The following FGGY variants were observed in gnomAD, a reference collection of about 807,000 sequenced individuals.
The protein encoded by FGGY is FGGY carbohydrate kinase domain-containing protein.
In FGGY, 72 loss-of-function variants were observed where a neutral mutation model predicts 71.3. That is an observed-to-expected ratio of 1.01 (90% CI 0.84 to 1.23). The LOEUF is 1.23. FGGY is among the 50% of genes most tolerant of loss of function. The probability of loss-of-function intolerance (pLI) is 0.00; values close to 1 mark genes in which losing one functional copy is unlikely to be tolerated. For missense variants in FGGY, 668 were observed against 682.3 expected (o/e 0.98, Z 0.23); for synonymous variants, 251 against 250.3 (o/e 1.00, Z -0.02).
At chr1:59,618,973 T>C (rs1160655156) in intron 9 of FGGY, among the ~76,000 whole-genome samples, 2 of 152,054 alleles carry the variant, frequency 1.3e-5, no homozygotes, top group East Asian at 3.9e-4. Context: ...TCTCCCGCCC[T>C]GGCTTTTGCT....
intron 8 of FGGY, among the ~76,000 whole-genome samples, chr1:59,585,705 A>C (rs2096273345): frequency 6.6e-6 from 1 of 152,228 alleles, no homozygotes; most frequent in East Asian, 1.9e-4. Flanking sequence ...CTGCACAGCA[A>C]AAGAAACTAC....
At chr1:59,713,294 A>G (rs1311458947) in intron 14 of FGGY, among the ~76,000 whole-genome samples, 2 of 152,170 alleles carry the variant, frequency 1.3e-5, no homozygotes, top group African/African-American at 4.8e-5. Flanking sequence ...ACTTTCCCAC[A>G]TCTTCCTGTC....
chr1:59,750,442 T>C (rs746792203), intron 14 of FGGY, among the ~76,000 whole-genome samples: 14 of 152,252 alleles, frequency 9.2e-5, no homozygotes, highest in Non-Finnish European at 1.9e-4. Flanking sequence ...TACAAAGATA[T>C]TAATGTACAG....
chr1:59,697,743 A>G, intron 14 of FGGY: 1 of 1,290,590 alleles, frequency 7.7e-7, no homozygotes, highest in Non-Finnish European at 1.0e-6. Flanking sequence ...TTTTGCAAGT[A>G]GGTGACACAA....
intron 10 of FGGY, among the ~76,000 whole-genome samples, chr1:59,633,047 T>TG: frequency 6.6e-6 from 1 of 151,380 alleles, no homozygotes; most frequent in Admixed American, 6.6e-5. Flanking sequence ...GTCTCGCACT[T>TG]TCACCCAGGC....
At chr1:59,613,355 A>G (rs769939718) in intron 9 of FGGY, among the ~76,000 whole-genome samples, 3 of 152,186 alleles carry the variant, frequency 2.0e-5, no homozygotes, top group Non-Finnish European at 2.9e-5. Context: ...ACTCAAAACC[A>G]CTCAACTACA....
intron 7 of FGGY, among the ~76,000 whole-genome samples, chr1:59,531,124 T>C (rs2095131041): frequency 6.6e-6 from 1 of 152,206 alleles, no homozygotes; most frequent in African/African-American, 2.4e-5. Context: ...TGGCACTATT[T>C]AACAGAAGTA....
intron 14 of FGGY, among the ~76,000 whole-genome samples, chr1:59,705,736 C>G (rs1261947359): frequency 6.6e-6 from 1 of 152,210 alleles, no homozygotes; most frequent in African/African-American, 2.4e-5. Context: ...GAGCTAATCA[C>G]AACTTCAAAT....
intron 1 of FGGY, among the ~76,000 whole-genome samples, chr1:59,318,430 A>C (rs2045835609): frequency 6.6e-6 from 1 of 152,200 alleles, no homozygotes; most frequent in African/African-American, 2.4e-5. Flanking sequence ...ATACCGCTCC[A>C]TTCTCCATGT....
chr1:59,371,223 A>G (rs2057568438), intron 4 of FGGY, among the ~76,000 whole-genome samples: 1 of 152,138 alleles, frequency 6.6e-6, no homozygotes, highest in Non-Finnish European at 1.5e-5. Flanking sequence ...TCTACCAAGC[A>G]AATGGAAAAC....
chr1:59,582,004 C>A (rs996132782), intron 8 of FGGY, among the ~76,000 whole-genome samples: 2 of 149,786 alleles, frequency 1.3e-5, no homozygotes, highest in African/African-American at 5.1e-5. Context: ...GATCATTCAG[C>A]CTGTAATCCC....
chr1:59,687,873 A>G (rs2097557774), intron 14 of FGGY, among the ~76,000 whole-genome samples: 1 of 152,084 alleles, frequency 6.6e-6, no homozygotes, highest in Admixed American at 6.5e-5. Flanking sequence ...CTGGACTCTG[A>G]CTGATATCAT....
rs984473353 is a variant in FGGY at position 59,515,025 on chromosome 1, G to A, written c.799+2586G>A. On this transcript the variant is annotated intron_variant, in intron 7 of 15. Coordinates refer to ENST00000303721, the MANE Select transcript of FGGY (RefSeq NM_018291.5). Reference sequence around the variant, plus strand: ...TTGCCTTGTCTCTGATGAGACTTTGGACTGTGGACTTCTGGGTTAATTCTG... The same window carrying A: ...TTGCCTTGTCTCTGATGAGACTTTGAACTGTGGACTTCTGGGTTAATTCTG... 1.4e-4 allele frequency among the ~76,000 whole-genome samples: 21 copies of A among 152,268 alleles called. 1 individual carries two copies. The highest frequency in any genetic ancestry group is 6.8e-3 in the Middle Eastern group (2 of 294).
chr1:59,330,022 G>A (rs1401425504), intron 2 of FGGY, among the ~76,000 whole-genome samples: 2 of 152,070 alleles, frequency 1.3e-5, no homozygotes, highest in Non-Finnish European at 2.9e-5. Flanking sequence ...CTCCAACTAA[G>A]TCTTATTTCA....
intron 5 of FGGY, among the ~76,000 whole-genome samples, chr1:59,404,628 G>A (rs2062467981): frequency 6.6e-6 from 1 of 152,146 alleles, no homozygotes; most frequent in South Asian, 2.1e-4. Flanking sequence ...AGGGGGCTGA[G>A]GCTGGAGGGG....
chr1:59,527,261 T>G (rs868126873), intron 7 of FGGY, among the ~76,000 whole-genome samples: 8 of 152,230 alleles, frequency 5.3e-5, no homozygotes, highest in Admixed American at 3.3e-4. Context: ...ATATTTATTT[T>G]GTCAGGCTCT....
intron 5 of FGGY, among the ~76,000 whole-genome samples, chr1:59,428,542 C>A (rs1006415857): frequency 1.3e-5 from 2 of 152,224 alleles, no homozygotes; most frequent in African/African-American, 4.8e-5. Context: ...TCATTAATGC[C>A]TCCTTGCCCA....
chr1:59,525,508 A>G (rs2094953244), intron 7 of FGGY, among the ~76,000 whole-genome samples: 1 of 152,202 alleles, frequency 6.6e-6, no homozygotes, highest in African/African-American at 2.4e-5. Flanking sequence ...TGAGTAATAA[A>G]TGAGCTTTTA....
chr1:59,591,849 T>C (rs2096447250), intron 8 of FGGY, among the ~76,000 whole-genome samples: 1 of 152,152 alleles, frequency 6.6e-6, no homozygotes. Flanking sequence ...GAAGAAAAAC[T>C]AGGCATTACC....
Sources: gnomAD v4.1 joint callset for allele counts (sites outside exome capture counted in the v4.1 genomes callset) on GRCh38, gnomAD v4.1.1 for gene constraint, MANE v1.5 for transcripts, NCBI Gene and HGNC (gene_info 2026-07-23, HGNC 2026-07-21) for gene names.